NUDT4: variants seen among roughly 807,000 people sequenced by gnomAD.
The protein encoded by NUDT4 is diphosphoinositol polyphosphate phosphohydrolase 2.
NUDT4 carries 5 observed loss-of-function variants against 23.1 expected under a neutral mutation model. The ratio of observed to expected loss-of-function variants is 0.22; its 90% CI spans 0.11 to 0.46. The LOEUF (loss-of-function observed/expected upper bound fraction) is 0.46. Among genes scored for constraint, NUDT4 ranks in the 20% least tolerant of loss-of-function variants. NUDT4 has a pLI of 0.99. For synonymous variants in NUDT4, 50 were observed against 79.0 expected (o/e 0.63, Z 1.95); for missense variants, 96 against 211.6 (o/e 0.45, Z 3.39).
intron 1 of NUDT4, among the ~76,000 whole-genome samples, chr12:93,379,113 C>G (rs1875435955): frequency 6.6e-6 from 1 of 152,174 alleles, no homozygotes; most frequent in Non-Finnish European, 1.5e-5. Flanking sequence ...ACAGTAATCT[C>G]CAGCTCTCAG....
chr12:93,397,751 C>T (rs1032153938), intron 3 of NUDT4, among the ~76,000 whole-genome samples: 1 of 152,132 alleles, frequency 6.6e-6, no homozygotes, highest in South Asian at 2.1e-4. Context: ...GCTCGAACTC[C>T]TGACCTCAAG....
At position 93,394,631 on chromosome 12, in the gene NUDT4, G is replaced by A; in HGVS notation, c.122G>A (p.Arg41Gln). Residue 41 changes from arginine (R) to glutamine (Q), a missense_variant, in exon 2 of 5, where the codon CGG becomes CAG. By Grantham distance (43) the Arg-to-Gln change is conservative (BLOSUM62 1). Transcript: ENST00000415493. ...CAGGTGCTGCTGGTGAGTAGCAGCC[G>A]GTACCCAGACCAGTGGATTGTCCCA... ...EDEVLLVSSSRYPDQWIVPGG... is the reference protein window; with the variant it reads ...EDEVLLVSSSQYPDQWIVPGG... The A allele has an allele frequency of 8.4e-6, 13 of 1,553,240 alleles. No individual in the cohort carries two copies. Among genetic ancestry groups the A allele is most frequent in the Non-Finnish European group, 1.1e-5 (13 of 1,147,496 alleles).
rs1482388863 is a variant in NUDT4, at chr12:93,401,696, CTA to C, written c.*2319_*2320del. ...TGCCATTTAGCAAAACGTCTTTAGT[CTA>C]TGCAACTAGCAAAAATCTGCATAAT... On this transcript the variant is annotated 3_prime_UTR_variant, in exon 5 of 5. Coordinates refer to ENST00000415493, the MANE Select transcript of NUDT4 (RefSeq NM_019094.6). 2 of 151,816 alleles carry C rather than the reference CTA, an allele frequency of 1.3e-5. No homozygotes were observed. The highest frequency in any genetic ancestry group is 6.6e-5 in the Admixed American group (1 of 15,224). 9.4% of individuals were successfully genotyped at this position (151,816 alleles called of 1,614,324 possible).
chr12:93,392,135 A>G (rs2120926472), intron 1 of NUDT4, among the ~76,000 whole-genome samples: 1 of 151,494 alleles, frequency 6.6e-6, no homozygotes, highest in Non-Finnish European at 1.5e-5. Context: ...CACCCACTTC[A>G]GCCTCCCAAA....
intron 1 of NUDT4, chr12:93,378,739 GT>G: frequency 4.7e-6 from 5 of 1,061,256 alleles, no homozygotes; most frequent in Non-Finnish European, 5.7e-6. Flanking sequence ...TGCGAATTGA[GT>G]TGAAAGCCGG....
Position 93,405,234 on chromosome 12 carries a change from G to C in NUDT4, c.*5855G>C, listed in dbSNP as rs998305257. ...CCAGGAGACTTTGTAAACTTACTAGGTTATAATAAAACTTAAGAACTATCG... is the reference window on the plus strand; with the variant it reads ...CCAGGAGACTTTGTAAACTTACTAGCTTATAATAAAACTTAAGAACTATCG... On this transcript the variant is annotated 3_prime_UTR_variant, in exon 5 of 5. Transcript: ENST00000415493. 1 of 152,068 alleles carries C rather than the reference G, an allele frequency of 6.6e-6. No homozygotes were observed. Among genetic ancestry groups the C allele is most frequent in the African/African-American group, 2.4e-5 (1 of 41,402 alleles). The allele number at this position is 152,068 out of a possible 1,614,324, so 9.4% of individuals were successfully genotyped here.
rs1877438614 is a variant in NUDT4, at chr12:93,401,680, GCAAAAC to G, written c.*2302_*2307del. 1 of 152,650 alleles carries G rather than the reference GCAAAAC, an allele frequency of 6.6e-6. No homozygotes were observed. The highest frequency in any genetic ancestry group is 1.5e-5 in the Non-Finnish European group (1 of 68,028). 9.5% of individuals were successfully genotyped at this position (152,650 alleles called of 1,614,324 possible). Reference sequence around the variant, plus strand: ...CGGTAAGGATTTTCAGTGCCATTTAGCAAAACGTCTTTAGTCTATGCAACTAGCAAA... The same window carrying G: ...CGGTAAGGATTTTCAGTGCCATTTAGGTCTTTAGTCTATGCAACTAGCAAA... On this transcript the variant is annotated 3_prime_UTR_variant, in exon 5 of 5. Transcript: ENST00000415493.
At chr12:93,383,014 C>G (rs558720732) in intron 1 of NUDT4, among the ~76,000 whole-genome samples, 2 of 151,878 alleles carry the variant, frequency 1.3e-5, no homozygotes, top group Non-Finnish European at 2.9e-5. Flanking sequence ...ATCTGTGCCT[C>G]CAGCTCTCCC....
intron 2 of NUDT4, among the ~76,000 whole-genome samples, chr12:93,395,102 G>A (rs949370572): frequency 2.0e-5 from 3 of 152,160 alleles, no homozygotes; most frequent in African/African-American, 7.2e-5. Flanking sequence ...GCCAGCCTCA[G>A]CCTCCCAAAG....
chr12:93,398,927 G>A (rs1263006135), intron 4 of NUDT4, 72 bp downstream of exon 4: 2 of 1,080,630 alleles, frequency 1.9e-6, no homozygotes, highest in East Asian at 4.8e-5. Context: ...ATATAGGTAA[G>A]TTCCCTTTTG....
chr12:93,387,743 G>C (rs1371181194), intron 1 of NUDT4, among the ~76,000 whole-genome samples: 1 of 152,146 alleles, frequency 6.6e-6, no homozygotes, highest in Admixed American at 6.5e-5. Context: ...GTGATCACAG[G>C]ATGGCCTAGC....
At position 93,378,202 on chromosome 12, in the gene NUDT4, AGC is replaced by A. The variant is rs1401019024; in HGVS notation, c.-118_-117del. The A allele has an allele frequency of 1.0e-5, 4 of 385,252 alleles. No homozygotes were observed. The Admixed American group carries it at 1.9e-4, about 18-fold the overall frequency. 23.9% of individuals were successfully genotyped at this position (385,252 alleles called of 1,614,324 possible). A position where few individuals can be genotyped will look rare whatever the true frequency, so the allele number is the denominator to read the frequency against. ...CCTCGCCGCACCTCCCGCACCGACT[AGC>A]GCTCCCGGGCGCTCCTGCGCCCGAC... On this transcript the variant is annotated 5_prime_UTR_variant, in exon 1 of 5. Coordinates refer to ENST00000415493, the MANE Select transcript of NUDT4 (RefSeq NM_019094.6).
chr12:93,378,249 C>T lies in NUDT4; in HGVS notation c.-74C>T. 1.6e-6 allele frequency: 1 copy of T among 619,600 alleles called. No homozygotes were observed. Among genetic ancestry groups the T allele is most frequent in the Non-Finnish European group, 2.5e-6 (1 of 395,650 alleles). 38.4% of individuals were successfully genotyped at this position (619,600 alleles called of 1,614,324 possible). Reference sequence around the variant, plus strand: ...CCCGACTCGCCCTCGCCCCCACTCCCCGGCGGGGTGGCGGCGGCCGGGCCC... The same window carrying T: ...CCCGACTCGCCCTCGCCCCCACTCCTCGGCGGGGTGGCGGCGGCCGGGCCC... On this transcript the variant is annotated 5_prime_UTR_variant, in exon 1 of 5. Transcript: ENST00000415493.
At chr12:93,387,941 A>G (rs992885668) in intron 1 of NUDT4, among the ~76,000 whole-genome samples, 5 of 152,068 alleles carry the variant, frequency 3.3e-5, no homozygotes, top group African/African-American at 9.7e-5. Flanking sequence ...GCTCACTCTT[A>G]GTCACTGCCT....
Position 93,403,285 on chromosome 12 carries a change from A to G in NUDT4, c.*3906A>G, listed in dbSNP as rs796958083. Reference sequence around the variant, plus strand: ...CAAAGAGCTTATATTCTAGTGGGGTAGAGATAAGTGATTTATCTTGGTGTA... The same window carrying G: ...CAAAGAGCTTATATTCTAGTGGGGTGGAGATAAGTGATTTATCTTGGTGTA... On this transcript the variant is annotated 3_prime_UTR_variant, in exon 5 of 5. Coordinates refer to ENST00000415493, the MANE Select transcript of NUDT4 (RefSeq NM_019094.6). The G allele has an allele frequency of 6.6e-5, 10 of 152,306 alleles. No homozygotes were observed. Among genetic ancestry groups the G allele is most frequent in the African/African-American group, 2.4e-4 (10 of 41,562 alleles). 9.4% of individuals were successfully genotyped at this position (152,306 alleles called of 1,614,324 possible).
At chr12:93,389,577 C>T (rs1876337730) in intron 1 of NUDT4, among the ~76,000 whole-genome samples, 1 of 152,044 alleles carries the variant, frequency 6.6e-6, no homozygotes, top group African/African-American at 2.4e-5. Flanking sequence ...TTTAGTCATG[C>T]TGATGTCTTG....
intron 1 of NUDT4, among the ~76,000 whole-genome samples, chr12:93,382,797 GA>G (rs1471094071): frequency 2.0e-5 from 3 of 151,206 alleles, no homozygotes; most frequent in Non-Finnish European, 2.9e-5. Context: ...AAGTAGCTGG[GA>G]CTACAGGCAG....
intron 1 of NUDT4, among the ~76,000 whole-genome samples, chr12:93,384,196 T>C (rs1482586716): frequency 1.3e-5 from 2 of 151,890 alleles, no homozygotes; most frequent in East Asian, 1.9e-4. Flanking sequence ...TTTTTTTTTT[T>C]CTCGCTCTGT....
chr12:93,396,864 A>G (rs1184203222), intron 3 of NUDT4, among the ~76,000 whole-genome samples: 3 of 152,154 alleles, frequency 2.0e-5, no homozygotes, highest in Non-Finnish European at 4.4e-5. Context: ...GCGGCACTCC[A>G]TCTCAAAAAA....
Sources: gnomAD v4.1 joint callset for allele counts (sites outside exome capture counted in the v4.1 genomes callset) on GRCh38, gnomAD v4.1.1 for gene constraint, MANE v1.5 for transcripts, NCBI Gene and HGNC (gene_info 2026-07-23, HGNC 2026-07-21) for gene names.